The following DCAF6 variants were observed in gnomAD, a reference collection of about 807,000 sequenced individuals.
The protein encoded by DCAF6 is DDB1 and CUL4 associated factor 6, also known as DDB1- and CUL4-associated factor 6.
Under a neutral mutation model 125.1 loss-of-function variants are expected in DCAF6, and 54 were observed. The ratio of observed to expected loss-of-function variants is 0.43; its 90% CI spans 0.35 to 0.54. The LOEUF (loss-of-function observed/expected upper bound fraction) is 0.54. Among genes scored for constraint, DCAF6 ranks in the 20% least tolerant of loss-of-function variants. The pLI is 0.01. For synonymous variants in DCAF6, 371 were observed against 390.4 expected, an observed-to-expected ratio of 0.95 and a Z score of 0.58; for missense variants, 934 against 1,161.7, an observed-to-expected ratio of 0.80 and a Z score of 2.85.
At chr1:167,978,841 G>T (rs1678648043) in intron 4 of DCAF6, among the ~76,000 whole-genome samples, 1 of 152,026 alleles carries the variant, frequency 6.6e-6, no homozygotes, top group Non-Finnish European at 1.5e-5. Context: ...ATTTTTTGTA[G>T]AGACGGGGCC....
At chr1:167,997,982 TAAA>T (rs1453057473) in intron 7 of DCAF6, among the ~76,000 whole-genome samples, 2 of 151,924 alleles carry the variant, frequency 1.3e-5, no homozygotes, top group Non-Finnish European at 2.9e-5. Flanking sequence ...ATGACTAAAA[TAAA>T]AAAGACAGAC....
the DCAF6 span, among the ~76,000 whole-genome samples, chr1:167,930,030 T>C: frequency 6.6e-6 from 1 of 152,200 alleles, no homozygotes; most frequent in Non-Finnish European, 1.5e-5. Flanking sequence ...ATCTTTGACA[T>C]GGATACTGAC....
At chr1:167,961,737 T>G (rs997959641) in intron 2 of DCAF6, among the ~76,000 whole-genome samples, 1 of 152,218 alleles carries the variant, frequency 6.6e-6, no homozygotes, top group African/African-American at 2.4e-5. Flanking sequence ...GTTTTTGATA[T>G]TCTACAGGTT....
intron 2 of DCAF6, among the ~76,000 whole-genome samples, chr1:167,961,003 C>G (rs982145676): frequency 6.6e-6 from 1 of 152,006 alleles, no homozygotes; most frequent in Non-Finnish European, 1.5e-5. Context: ...TTATTTAATT[C>G]TTTGATTTCT....
intron 2 of DCAF6, among the ~76,000 whole-genome samples, chr1:167,963,577 A>ATTACAAGTGCC (rs369834393): frequency 6.6e-6 from 1 of 150,882 alleles, no homozygotes; most frequent in African/African-American, 2.4e-5. Context: ...AGTAGCTGGG[A>ATTACAAGTGCC]TGCCACCACA....
intron 11 of DCAF6, among the ~76,000 whole-genome samples, chr1:168,018,807 G>A (rs1421528324): frequency 6.6e-6 from 1 of 151,986 alleles, no homozygotes; most frequent in African/African-American, 2.4e-5. Context: ...AAATGAATTT[G>A]CCTTTATCAC....
chr1:167,870,890 A>T, the DCAF6 span, among the ~76,000 whole-genome samples: 1 of 151,928 alleles, frequency 6.6e-6, no homozygotes, highest in South Asian at 2.1e-4. Flanking sequence ...AATTGTTTAA[A>T]TCTTCCTGGG....
chr1:167,864,741 G>A, the DCAF6 span, among the ~76,000 whole-genome samples: 5 of 152,166 alleles, frequency 3.3e-5, no homozygotes, highest in Admixed American at 6.5e-5. Context: ...GGTATTCTCC[G>A]TAACCCTGTA....
chr1:167,874,135 C>A, the DCAF6 span, among the ~76,000 whole-genome samples: 3 of 152,114 alleles, frequency 2.0e-5, no homozygotes, highest in African/African-American at 7.2e-5. Context: ...AGATCAAGAC[C>A]AGTCTGGCCA....
chr1:167,904,675 A>C, the DCAF6 span: 1 of 591,432 alleles, frequency 1.7e-6, no homozygotes, highest in Non-Finnish European at 3.0e-6. Flanking sequence ...CCTGAGGTCA[A>C]TTTTGACTGG....
the DCAF6 span, among the ~76,000 whole-genome samples, chr1:167,912,965 A>G: frequency 1.3e-5 from 2 of 152,308 alleles, no homozygotes; most frequent in Admixed American, 6.5e-5. Flanking sequence ...TGTTTCTACT[A>G]TATCATGCTA....
intron 5 of DCAF6, among the ~76,000 whole-genome samples, chr1:167,989,259 G>A (rs1177509508): frequency 6.6e-6 from 1 of 152,088 alleles, no homozygotes; most frequent in South Asian, 2.1e-4. Flanking sequence ...TAAGTGGTGG[G>A]TACTAAATTT....
chr1:167,899,595 A>G, the DCAF6 span: 1 of 1,614,148 alleles, frequency 6.2e-7, no homozygotes, highest in Non-Finnish European at 8.5e-7. Flanking sequence ...TTCATCTCCA[A>G]AGACCAACAT....
intron 7 of DCAF6, among the ~76,000 whole-genome samples, chr1:167,995,243 A>G (rs1049634686): frequency 2.6e-5 from 4 of 152,226 alleles, no homozygotes; most frequent in South Asian, 2.1e-4. Context: ...TTTTGATACC[A>G]TGGAATACTT....
chr1:168,038,378 T>C lies in DCAF6; in HGVS notation c.1617T>C (p.Asn539=). 5 of 1,606,836 alleles carry C rather than the reference T, an allele frequency of 3.1e-6. No individual in the cohort carries two copies. The highest frequency in any genetic ancestry group is 3.4e-6 in the Non-Finnish European group (4 of 1,176,984). Reference sequence around the variant, plus strand: ...TTTAAACACAATTTTCAGATAACAATAATGAAAAGCTGAGCCCCAAACCAG... The same window carrying C: ...TTTAAACACAATTTTCAGATAACAACAATGAAAAGCTGAGCCCCAAACCAG... ...SMSLDEQQDN[N]NEKLSPKPGT... is the part of the protein sequence containing the mutation. The change falls in exon 13 of 22, where the codon AAT becomes AAC. Residue 539 remains asparagine, a synonymous_variant. Transcript: ENST00000367840.
chr1:167,881,977 T>C, the DCAF6 span, among the ~76,000 whole-genome samples: 1 of 152,230 alleles, frequency 6.6e-6, no homozygotes, highest in Non-Finnish European at 1.5e-5. Context: ...GTTGTGTCAA[T>C]ATATGTGTTA....
the DCAF6 span, among the ~76,000 whole-genome samples, chr1:167,894,770 T>C: frequency 6.6e-6 from 1 of 152,152 alleles, no homozygotes; most frequent in Admixed American, 6.6e-5. Flanking sequence ...CCCAGATTTG[T>C]AGGTAGTTGG....
intron 10 of DCAF6, among the ~76,000 whole-genome samples, chr1:168,009,350 CCTTCCTT>C (rs1683864595): frequency 1.1e-4 from 3 of 26,466 alleles, no homozygotes; most frequent in Admixed American, 3.2e-4. Context: ...TTCCTCCCTT[CCTTCCTT>C]CCTTCCTTCC....
chr1:167,944,252 G>T (rs760310041), intron 1 of DCAF6, among the ~76,000 whole-genome samples: 22 of 152,112 alleles, frequency 1.4e-4, no homozygotes, highest in Admixed American at 1.3e-4. Context: ...TATCTTTGCT[G>T]TTGTGAATAG....
Sources: gnomAD v4.1 joint callset for allele counts (sites outside exome capture counted in the v4.1 genomes callset) on GRCh38, gnomAD v4.1.1 for gene constraint, MANE v1.5 for transcripts, NCBI Gene and HGNC (gene_info 2026-07-23, HGNC 2026-07-21) for gene names.